PPP1R15B: variants seen among roughly 807,000 people sequenced by gnomAD.
PPP1R15B encodes the protein protein phosphatase 1, regulatory (inhibitor) subunit 15B.
Under a neutral mutation model 53.9 loss-of-function variants are expected in PPP1R15B, and 31 were observed. The observed-to-expected ratio is 0.58, with a 90% CI of 0.43 to 0.78. PPP1R15B has a LOEUF of 0.78. Among genes scored for constraint, PPP1R15B ranks in the 30% least tolerant of loss-of-function variants. PPP1R15B has a pLI of 0.00. For synonymous variants in PPP1R15B, 345 were observed against 329.1 expected, an observed-to-expected ratio of 1.05 and a Z score of -0.52; for missense variants, 928 against 849.6, an observed-to-expected ratio of 1.09 and a Z score of -1.15.
At position 204,405,769 on chromosome 1, in the gene PPP1R15B, A is replaced by C. The variant is rs1185927603; in HGVS notation, c.*323T>G. On this transcript the variant is annotated 3_prime_UTR_variant, in exon 2 of 2. Transcript: ENST00000367188. ...GCCCTATAAATATTGTTTTCCAAGA[A>C]AATAAGTTTTGAAAGTGCAAAATGA... is the stretch of plus-strand genomic sequence containing the variant. 2 of 1,042,720 alleles carry C rather than the reference A, an allele frequency of 1.9e-6. No homozygotes were observed. The highest frequency in any genetic ancestry group is 7.7e-5 in the East Asian group (1 of 12,906). 64.6% of individuals were successfully genotyped at this position (1,042,720 alleles called of 1,614,324 possible). A position where few individuals can be genotyped will look rare whatever the true frequency, so the allele number is the denominator to read the frequency against.
Position 204,411,498 on chromosome 1 carries a change from C to G in PPP1R15B, c.-87G>C. ...GATTCGGAGGAAGCCTACAGAGTCT[C>G]GGCCTTGCCCAGCGGTGGCGTCGCT... On this transcript the variant is annotated 5_prime_UTR_variant, in exon 1 of 2. Coordinates refer to ENST00000367188, the MANE Select transcript of PPP1R15B (RefSeq NM_032833.5). 1 of 1,503,614 alleles carries G rather than the reference C, an allele frequency of 6.7e-7. No individual in the cohort carries two copies. The highest frequency in any genetic ancestry group is 8.9e-7 in the Non-Finnish European group (1 of 1,129,648). The allele number at this position is 1,503,614 out of a possible 1,614,324, so 93.1% of individuals were successfully genotyped here.
At position 204,404,829 on chromosome 1, in the gene PPP1R15B, T is replaced by C. The variant is rs1233246235; in HGVS notation, c.*1263A>G. The C allele has an allele frequency of 3.8e-5, 37 of 985,758 alleles. No individual in the cohort carries two copies. Among genetic ancestry groups the C allele is most frequent in the Non-Finnish European group, 3.5e-5 (29 of 829,928 alleles). 61.1% of individuals were successfully genotyped at this position (985,758 alleles called of 1,614,324 possible). ...CCCCTCAACCTAACTTATGTGTACC[T>C]TGTAAAGCTAAACAAATAAACCAAA... On this transcript the variant is annotated 3_prime_UTR_variant, in exon 2 of 2. Coordinates refer to ENST00000367188, the MANE Select transcript of PPP1R15B (RefSeq NM_032833.5).
At chr1:204,400,475 A>G (rs938444287), downstream of PPP1R15B, among the ~76,000 whole-genome samples, 4 of 138,312 alleles carry the variant, frequency 2.9e-5, no homozygotes, top group African/African-American at 1.0e-4. Context: ...TTGCCCAGCT[A>G]ATTTCTTTTT....
chr1:204,404,548 T>C lies in PPP1R15B; in HGVS notation c.*1544A>G, dbSNP rs1674232796. On this transcript the variant is annotated 3_prime_UTR_variant, in exon 2 of 2. Transcript: ENST00000367188. ...GGCTCTGCAAAAATTTGACCAGCTT[T>C]TATAGTGTTGCATTCTCAATGTGTT... 1 of 985,706 alleles carries C rather than the reference T, an allele frequency of 1.0e-6. No individual in the cohort carries two copies. Among genetic ancestry groups the C allele is most frequent in the Non-Finnish European group, 1.2e-6 (1 of 829,866 alleles). The allele number at this position is 985,706 out of a possible 1,614,324, so 61.1% of individuals were successfully genotyped here. A position where few individuals can be genotyped will look rare whatever the true frequency, so the allele number is the denominator to read the frequency against.
chr1:204,404,186 C>A lies in PPP1R15B; in HGVS notation c.*1906G>T. On this transcript the variant is annotated 3_prime_UTR_variant, in exon 2 of 2. Coordinates refer to ENST00000367188, the MANE Select transcript of PPP1R15B (RefSeq NM_032833.5). ...GTTATTAGACCATCCTGTAAATGTG[C>A]TCCCTATGATTACCTAAAGTGGAGG... 1.0e-6 allele frequency: 1 copy of A among 985,398 alleles called. No individual in the cohort carries two copies. The highest frequency in any genetic ancestry group is 1.1e-4 in the East Asian group (1 of 8,816). 61.0% of individuals were successfully genotyped at this position (985,398 alleles called of 1,614,324 possible). A position where few individuals can be genotyped will look rare whatever the true frequency, so the allele number is the denominator to read the frequency against.
chr1:204,396,377 CAAAAACAAAAAAAA>C (rs1224102790), downstream of PPP1R15B, among the ~76,000 whole-genome samples: 5 of 40,906 alleles, frequency 1.2e-4, no homozygotes, highest in African/African-American at 2.6e-4. Context: ...AAAGCAAAAA[CAAAAACAAAAAAAA>C]AAAAACAAAA....
Position 204,411,278 on chromosome 1 carries a change from G to A in PPP1R15B, c.134C>T (p.Ser45Phe). 1.2e-6 allele frequency: 2 copies of A among 1,614,238 alleles called. No homozygotes were observed. Among genetic ancestry groups the A allele is most frequent in the Non-Finnish European group, 1.7e-6 (2 of 1,180,054 alleles). The change falls in exon 1 of 2, where the codon TCC (serine) becomes TTC (phenylalanine). Residue 45 changes from serine to phenylalanine, a missense_variant. By Grantham distance (155) the Ser-to-Phe change is radical. Transcript: ENST00000367188. Reference sequence around the variant, plus strand: ...AGAGGAAAGCAGTGTGGGGTTCCCGGAGTTTTCCGGGCCAAGAGGCGTCGG... The same window carrying A: ...AGAGGAAAGCAGTGTGGGGTTCCCGAAGTTTTCCGGGCCAAGAGGCGTCGG... Reference protein sequence around the residue: ...KFPTPLGPENSGNPTLLSSAQ... With the variant: ...KFPTPLGPENFGNPTLLSSAQ...
Position 204,411,198 on chromosome 1 carries a change from C to A in PPP1R15B, c.214G>T (p.Ala72Ser). 1 of 1,614,220 alleles carries A rather than the reference C, an allele frequency of 6.2e-7. No homozygotes were observed. Among genetic ancestry groups the A allele is most frequent in the Non-Finnish European group, 8.5e-7 (1 of 1,180,044 alleles). ...TTCTGAAGCAATCCGGGGAGCGGCG[C>A]AAGGAGCTGGGAGAGCAGTTTCGTC... ...YWTKLLSQLL[A>S]PLPGLLQKVL... Residue 72 changes from alanine (A) to serine (S), a missense_variant, in exon 1 of 2, where the codon GCG becomes TCG. Coordinates refer to ENST00000367188, the MANE Select transcript of PPP1R15B (RefSeq NM_032833.5).
downstream of PPP1R15B, among the ~76,000 whole-genome samples, chr1:204,398,007 G>A (rs1008516781): frequency 1.3e-5 from 2 of 152,114 alleles, no homozygotes; most frequent in African/African-American, 4.8e-5. Context: ...TACTTGTTAT[G>A]TCGGGAGGGA....
At chr1:204,397,841 C>T (rs992152381), downstream of PPP1R15B, among the ~76,000 whole-genome samples, 11 of 150,646 alleles carry the variant, frequency 7.3e-5, no homozygotes, top group African/African-American at 2.4e-4. Context: ...GACGACCTTA[C>T]ATCAACTGAT....
At chr1:204,399,006 T>C (rs568182605), downstream of PPP1R15B, among the ~76,000 whole-genome samples, 1 of 152,360 alleles carries the variant, frequency 6.6e-6, no homozygotes, top group South Asian at 2.1e-4. Flanking sequence ...TTACGGTAGC[T>C]TTTCTCTAAG....
Position 204,406,199 on chromosome 1 carries a change from T to A in PPP1R15B, c.2035A>T (p.Thr679Ser), listed in dbSNP as rs780306271. The change falls in exon 2 of 2, where the codon ACA becomes TCA. Residue 679 changes from threonine to serine, a missense_variant. Physicochemically the swap from Thr to Ser is moderately conservative, Grantham distance 58. Transcript: ENST00000367188. ...GCRFQKRIQE[T>S]EDAIGYCLTF... is the part of the protein sequence containing the mutation. ...AAGCAATATCCAATAGCATCTTCTG[T>A]TTCTTGAATTCGTTTCTGGAACCTG... 1.9e-6 allele frequency: 3 copies of A among 1,614,176 alleles called. No homozygotes were observed. In the East Asian group the frequency reaches 6.7e-5, roughly 36 times the overall value.
Position 204,409,790 on chromosome 1 carries a change from T to A in PPP1R15B, c.1622A>T (p.Asp541Val). The A allele has an allele frequency of 1.2e-6, 2 of 1,614,172 alleles. No homozygotes were observed. Among genetic ancestry groups the A allele is most frequent in the Non-Finnish European group, 1.7e-6 (2 of 1,180,026 alleles). Reference protein sequence around the residue: ...ETPEHSSGEEDDWESSADEAE... With the variant: ...ETPEHSSGEEVDWESSADEAE... ...TTCATCTGCACTAGATTCCCAGTCATCTTCCTCCCCAGAACTATGCTCAGG... is the reference window on the plus strand; with the variant it reads ...TTCATCTGCACTAGATTCCCAGTCAACTTCCTCCCCAGAACTATGCTCAGG... The change falls in exon 1 of 2, where the codon GAT becomes GTT. Residue 541 changes from aspartate to valine, a missense_variant. Physicochemically the swap from Asp to Val is radical, Grantham distance 152 (BLOSUM62 -3). Transcript: ENST00000367188.
Position 204,404,784 on chromosome 1 carries a change from G to C in PPP1R15B, c.*1308C>G. 1.0e-6 allele frequency: 1 copy of C among 985,836 alleles called. No homozygotes were observed. The highest frequency in any genetic ancestry group is 1.2e-6 in the Non-Finnish European group (1 of 829,924). 61.1% of individuals were successfully genotyped at this position (985,836 alleles called of 1,614,324 possible). A position where few individuals can be genotyped will look rare whatever the true frequency, so the allele number is the denominator to read the frequency against. ...ACAGGAAGCACACGGAATGAAAGCA[G>C]ACCACGGAAGGGTTAACAACCCCTC... On this transcript the variant is annotated 3_prime_UTR_variant, in exon 2 of 2. Transcript: ENST00000367188.
rs756322507 is a variant in PPP1R15B at position 204,406,187 on chromosome 1, T to C, written c.2047A>G (p.Ile683Val). 1.1e-5 allele frequency: 18 copies of C among 1,614,022 alleles called. No individual in the cohort carries two copies. The highest frequency in any genetic ancestry group is 1.3e-5 in the Non-Finnish European group (15 of 1,180,006). The change falls in exon 2 of 2, where the codon ATT becomes GTT. Residue 683 changes from isoleucine (I) to valine (V), a missense_variant. Coordinates refer to ENST00000367188, the MANE Select transcript of PPP1R15B (RefSeq NM_032833.5). ...QKRIQETEDA[I>V]GYCLTFEHRE... ...TGTTCAAATGTCAAGCAATATCCAA[T>C]AGCATCTTCTGTTTCTTGAATTCGT...
Position 204,403,917 on chromosome 1 carries a change from G to A in PPP1R15B, c.*2175C>T, listed in dbSNP as rs1674219910. On this transcript the variant is annotated 3_prime_UTR_variant, in exon 2 of 2. Transcript: ENST00000367188. ...TCTTAATCAAGCTTTCACTCATTTGGTAGTGAGGTTAGAATCCCATGGGGA... is the reference window on the plus strand; with the variant it reads ...TCTTAATCAAGCTTTCACTCATTTGATAGTGAGGTTAGAATCCCATGGGGA... The A allele has an allele frequency of 1.0e-6, 1 of 985,366 alleles. No individual in the cohort carries two copies. The highest frequency in any genetic ancestry group is 1.7e-5 in the African/African-American group (1 of 57,202). 61.0% of individuals were successfully genotyped at this position (985,366 alleles called of 1,614,324 possible).
intron 1 of PPP1R15B, among the ~76,000 whole-genome samples, chr1:204,408,556 A>G (rs549841219): frequency 3.3e-5 from 5 of 152,184 alleles, no homozygotes; most frequent in African/African-American, 1.2e-4. Flanking sequence ...TAACTCACCC[A>G]CTAACTTCTC....
At position 204,405,990 on chromosome 1, in the gene PPP1R15B, C is replaced by T; in HGVS notation, c.*102G>A. 6.7e-7 allele frequency: 1 copy of T among 1,486,734 alleles called. No individual in the cohort carries two copies. Among genetic ancestry groups the T allele is most frequent in the South Asian group, 1.4e-5 (1 of 71,798 alleles). 92.1% of individuals were successfully genotyped at this position (1,486,734 alleles called of 1,614,324 possible). A position where few individuals can be genotyped will look rare whatever the true frequency, so the allele number is the denominator to read the frequency against. On this transcript the variant is annotated 3_prime_UTR_variant, in exon 2 of 2. Transcript: ENST00000367188. The stretch of plus-strand genomic sequence containing the variant: ...AAACTAGATCCAAGTTACATTTCCT[C>T]TAAAAAAAAAAATGTCAAAGGACAG...
intron 1 of PPP1R15B, 46 bp downstream of exon 1, chr1:204,409,446 A>G (rs375524319): frequency 5.2e-5 from 81 of 1,546,084 alleles, no homozygotes; most frequent in Non-Finnish European, 6.7e-5. Context: ...TAAGCATATA[A>G]AAACAGTCAG....
Sources: gnomAD v4.1 joint callset for allele counts (sites outside exome capture counted in the v4.1 genomes callset) on GRCh38, gnomAD v4.1.1 for gene constraint, MANE v1.5 for transcripts, NCBI Gene and HGNC (gene_info 2026-07-23, HGNC 2026-07-21) for gene names.